Variants in TAFA4 observed in about 807,000 individuals in gnomAD.
TAFA4 encodes the protein TAFA chemokine like family member 4, also known as chemokine-like protein TAFA-4.
A neutral mutation model predicts 21.1 loss-of-function variants in TAFA4; 20 were observed. The ratio of observed to expected loss-of-function variants is 0.95; its 90% confidence interval spans 0.67 to 1.38. The LOEUF (loss-of-function observed/expected upper bound fraction) is 1.38. Among genes scored for constraint, TAFA4 ranks in the 40% most tolerant of loss-of-function variants. The probability of loss-of-function intolerance (pLI) is 0.00; values close to 1 mark genes in which losing one functional copy is unlikely to be tolerated. For missense variants in TAFA4, 211 were observed against 180.9 expected (o/e 1.17, Z -0.95); for synonymous variants, 71 against 67.4 (o/e 1.05, Z -0.26).
In TAFA4 at chr3:68,862,219, G is replaced by A. The variant is rs1320836798; in HGVS notation, c.130+18511C>T. ...AGGTAGGCTAAGATTTCCTGCAAAC[G>A]CTCACAGCAATTCTTCATTTTTTTA... On this transcript the variant is annotated intron_variant, in intron 3 of 5. Coordinates refer to ENST00000295569, the MANE Select transcript of TAFA4 (RefSeq NM_182522.5). Among the ~76,000 whole-genome samples, 6 of 151,756 alleles carry A rather than the reference G, an allele frequency of 4.0e-5. No homozygotes were observed. In the East Asian group the frequency reaches 5.8e-4, roughly 15 times the overall value.
chr3:68,812,045 C>T (rs1703853400), intron 3 of TAFA4, among the ~76,000 whole-genome samples: 1 of 152,162 alleles, frequency 6.6e-6, no homozygotes, highest in African/African-American at 2.4e-5. Context: ...AAAGAATTTT[C>T]AACCCAGAAT....
rs190755558 is a variant in TAFA4, at chr3:68,784,664, A to G, written c.131-31646T>C. On this transcript the variant is annotated intron_variant, in intron 3 of 5. Transcript: ENST00000295569. ...AGCAAGATTTATTGCAAAGAGCAAA[A>G]GAACAAAGTTTCCACAGGGTGGAAG... 2.6e-5 allele frequency among the ~76,000 whole-genome samples: 4 copies of G among 152,340 alleles called. No homozygotes were observed. In the East Asian group the frequency reaches 7.7e-4, roughly 29 times the overall value.
At position 68,848,276 on chromosome 3, in the gene TAFA4, T is replaced by C. The variant is rs1264878409; in HGVS notation, c.130+32454A>G. 2.0e-5 allele frequency among the ~76,000 whole-genome samples: 3 copies of C among 152,182 alleles called. No individual in the cohort carries two copies. In the East Asian group the frequency reaches 5.8e-4, roughly 29 times the overall value. Reference sequence around the variant, plus strand: ...CACACGAAATTAACCTGTCCAGCATTTCCTGATGTCCTACCTCATACATGG... The same window carrying C: ...CACACGAAATTAACCTGTCCAGCATCTCCTGATGTCCTACCTCATACATGG... On this transcript the variant is annotated intron_variant, in intron 3 of 5. Coordinates refer to ENST00000295569, the MANE Select transcript of TAFA4 (RefSeq NM_182522.5).
chr3:68,760,475 G>A (rs1702739734), intron 3 of TAFA4, among the ~76,000 whole-genome samples: 1 of 152,120 alleles, frequency 6.6e-6, no homozygotes, highest in Non-Finnish European at 1.5e-5. Flanking sequence ...TATTTCCCTT[G>A]CATCCTTCTC....
At chr3:68,756,512 CT>C (rs1702661833) in intron 3 of TAFA4, among the ~76,000 whole-genome samples, 2 of 152,182 alleles carry the variant, frequency 1.3e-5, no homozygotes, top group Admixed American at 6.5e-5. Flanking sequence ...ATGATTCAGA[CT>C]TTTGATCCAT....
chr3:68,887,082 C>G (rs2089680073), intron 1 of TAFA4, among the ~76,000 whole-genome samples: 1 of 152,216 alleles, frequency 6.6e-6, no homozygotes, highest in Non-Finnish European at 1.5e-5. Context: ...CAAATGTCCT[C>G]CAGCTGTGAG....
intron 3 of TAFA4, among the ~76,000 whole-genome samples, chr3:68,762,931 A>G (rs112017037): frequency 0.096 from 14,617 of 152,266 alleles, 897 homozygotes; most frequent in African/African-American, 0.17. Flanking sequence ...CCAGCTACTC[A>G]GGTGGCTAAG....
chr3:68,885,760 G>A (rs999074745), intron 1 of TAFA4, among the ~76,000 whole-genome samples: 1 of 152,170 alleles, frequency 6.6e-6, no homozygotes, highest in Non-Finnish European at 1.5e-5. Flanking sequence ...ACATAAGCCT[G>A]AAGATGATGC....
At position 68,876,035 on chromosome 3, in the gene TAFA4, CA is replaced by C. The variant is rs1291066324; in HGVS notation, c.130+4694del. Among the ~76,000 whole-genome samples, 4 of 151,688 alleles carry C rather than the reference CA, an allele frequency of 2.6e-5. No homozygotes were observed. The East Asian group carries it at 7.7e-4, about 29-fold the overall frequency. On this transcript the variant is annotated intron_variant, in intron 3 of 5. Coordinates refer to ENST00000295569, the MANE Select transcript of TAFA4 (RefSeq NM_182522.5). ...CTGACCCATGAAAATTAAAATAACC[CA>C]TAATTCCAATCTTTAAAAAAGCAAC...
At chr3:68,831,259 A>G (rs1350074003) in intron 3 of TAFA4, among the ~76,000 whole-genome samples, 2 of 152,092 alleles carry the variant, frequency 1.3e-5, no homozygotes, top group Non-Finnish European at 2.9e-5. Context: ...TCACCCATTA[A>G]TTGATGCAGT....
intron 1 of TAFA4, among the ~76,000 whole-genome samples, chr3:68,902,126 T>C (rs2089849533): frequency 6.6e-6 from 1 of 152,182 alleles, no homozygotes; most frequent in South Asian, 2.1e-4. Flanking sequence ...TTGAGGCAGT[T>C]GCTATCAGTA....
chr3:68,880,809 G>A lies in TAFA4; in HGVS notation c.51C>T (p.His17=), dbSNP rs1256647076. ...RVCAKSVLLS[H]WLFLAYVLMV... ...TTAACACGTAGGCTAGAAAGAGCCA[G>A]TGCGACAGCAACACTGACTTAGCAC... is the stretch of plus-strand genomic sequence containing the variant. The change falls in exon 3 of 6, where the codon CAC becomes CAT. Residue 17 remains histidine, a synonymous_variant. Transcript: ENST00000295569. 1 of 1,613,772 alleles carries A rather than the reference G, an allele frequency of 6.2e-7. No individual in the cohort carries two copies. Among genetic ancestry groups the A allele is most frequent in the South Asian group, 1.1e-5 (1 of 91,072 alleles).
At chr3:68,860,446 G>C (rs11925030) in intron 3 of TAFA4, among the ~76,000 whole-genome samples, 17,932 of 152,090 alleles carry the variant, frequency 0.12, 1,369 homozygotes, top group African/African-American at 0.22. Flanking sequence ...GGGTAACTTG[G>C]ATGATGCAGC....
chr3:68,810,106 T>TA (rs1703799503), intron 3 of TAFA4, among the ~76,000 whole-genome samples: 1 of 152,206 alleles, frequency 6.6e-6, no homozygotes, highest in Non-Finnish European at 1.5e-5. Context: ...CCTACCTCTA[T>TA]AAAAAATGTG....
chr3:68,739,305 T>A, intron 4 of TAFA4, 106 bp from the exon 5 acceptor site: 1 of 1,332,080 alleles, frequency 7.5e-7, no homozygotes, highest in Non-Finnish European at 1.0e-6. Context: ...AGATTGCTAT[T>A]AAATTTACGG....
intron 3 of TAFA4, among the ~76,000 whole-genome samples, chr3:68,776,334 T>C (rs180926138): frequency 5.3e-5 from 8 of 152,198 alleles, no homozygotes; most frequent in Non-Finnish European, 1.2e-4. Flanking sequence ...AGATACACCA[T>C]ACAGAAAGTA....
At chr3:68,778,326 G>A (rs1057128029) in intron 3 of TAFA4, among the ~76,000 whole-genome samples, 1 of 152,150 alleles carries the variant, frequency 6.6e-6, no homozygotes. Flanking sequence ...TAATCATAAA[G>A]AGGTCAATAT....
chr3:68,885,034 A>C, intron 2 of TAFA4, 141 bp downstream of exon 2: 1 of 744,290 alleles, frequency 1.3e-6, no homozygotes, highest in East Asian at 2.7e-5. Flanking sequence ...TAAAATGAAA[A>C]AATCAACATT....
intron 3 of TAFA4, among the ~76,000 whole-genome samples, chr3:68,834,839 T>C (rs1214356204): frequency 2.0e-5 from 3 of 152,168 alleles, no homozygotes; most frequent in Admixed American, 6.5e-5. Context: ...CTATTCCCTT[T>C]TTCCAACCCA....
Sources: allele counts gnomAD v4.1 joint callset (sites outside exome capture counted in the v4.1 genomes callset), GRCh38; gene constraint gnomAD v4.1.1; transcripts MANE v1.5; gene names NCBI Gene and HGNC (gene_info 2026-07-23, HGNC 2026-07-21).